Variants in HLTF observed in about 807,000 individuals in gnomAD.
HLTF encodes the protein helicase like transcription factor.
A neutral mutation model predicts 129.4 loss-of-function variants in HLTF; 127 were observed. That is an observed-to-expected ratio of 0.98 (90% CI 0.85 to 1.14). The LOEUF (loss-of-function observed/expected upper bound fraction) is 1.14, where lower values mean the gene tolerates loss of function less well. Ranked by LOEUF, HLTF falls within the 50% of genes most tolerant of loss-of-function variation. HLTF has a pLI of 0.00. For missense variants in HLTF, 1,139 were observed against 1,187.1 expected, an observed-to-expected ratio of 0.96 and a Z score of 0.60; for synonymous variants, 332 against 388.8, an observed-to-expected ratio of 0.85 and a Z score of 1.72.
Position 149,064,836 on chromosome 3 carries a change from G to C in HLTF, c.1021C>G (p.Leu341Val). 6.3e-7 allele frequency: 1 copy of C among 1,597,908 alleles called. No homozygotes were observed. Among genetic ancestry groups the C allele is most frequent in the Non-Finnish European group, 8.6e-7 (1 of 1,165,994 alleles). The change falls in exon 9 of 25, where the codon CTT (leucine) becomes GTT (valine). Residue 341 changes from leucine (L) to valine (V), a missense_variant. Coordinates refer to ENST00000310053, the MANE Select transcript of HLTF (RefSeq NM_003071.4). ...EYNVNDDSMK[L>V]GGNNTSEKAD... ...TTTTCACTGGTATTGTTTCCTCCAA[G>C]TTTCATAGAGTCATCGTTAACATTA...
intron 2 of HLTF, among the ~76,000 whole-genome samples, chr3:149,082,472 AAAAAG>A (rs1341030698): frequency 6.6e-6 from 1 of 152,234 alleles, no homozygotes; most frequent in Non-Finnish European, 1.5e-5. Context: ...AAAAACAAAA[AAAAAG>A]AAAAGAAATG....
At chr3:149,057,511 C>T (rs1423658837) in intron 13 of HLTF, among the ~76,000 whole-genome samples, 2 of 152,200 alleles carry the variant, frequency 1.3e-5, no homozygotes, top group Non-Finnish European at 2.9e-5. Flanking sequence ...CATATATACT[C>T]GTCCTGCAGG....
At chr3:149,065,144 T>C (rs979417765) in intron 8 of HLTF, among the ~76,000 whole-genome samples, 1 of 152,128 alleles carries the variant, frequency 6.6e-6, no homozygotes, top group African/African-American at 2.4e-5. Context: ...CAATTATAAA[T>C]GACACATTAT....
intron 2 of HLTF, 123 bp downstream of exon 2, chr3:149,084,559 C>G: frequency 1.4e-6 from 1 of 728,722 alleles, no homozygotes; most frequent in Non-Finnish European, 2.2e-6. Context: ...TTTTTGCGTA[C>G]AAATATTTAA....
chr3:149,064,824 T>C lies in HLTF; in HGVS notation c.1033A>G (p.Asn345Asp), dbSNP rs745426954. The C allele has an allele frequency of 6.6e-5, 105 of 1,602,532 alleles. No homozygotes were observed. The Middle Eastern group carries it at 4.8e-3, about 73-fold the overall frequency. Residue 345 changes from asparagine (N) to aspartate (D), a missense_variant, in exon 9 of 25, where the codon AAT becomes GAT. Physicochemically the swap from Asn to Asp is conservative, Grantham distance 23. Transcript: ENST00000310053. ...NDDSMKLGGNNTSEKADGLSK... is the reference protein window; with the variant it reads ...NDDSMKLGGNDTSEKADGLSK... ...AGTCCATCTGCCTTTTCACTGGTAT[T>C]GTTTCCTCCAAGTTTCATAGAGTCA... is the stretch of plus-strand genomic sequence containing the variant.
At chr3:149,066,196 G>A (rs1044088177) in intron 8 of HLTF, among the ~76,000 whole-genome samples, 2 of 151,862 alleles carry the variant, frequency 1.3e-5, no homozygotes, top group East Asian at 1.9e-4. Flanking sequence ...ACAGGTATGC[G>A]CCACCACACC....
chr3:149,085,488 C>CA (rs1720285422), intron 1 of HLTF, among the ~76,000 whole-genome samples: 1 of 151,854 alleles, frequency 6.6e-6, no homozygotes, highest in African/African-American at 2.4e-5. Context: ...GACTCCATGT[C>CA]AAAAAAATAA....
chr3:149,039,434 G>A, intron 22 of HLTF, 147 bp downstream of exon 22: 1 of 590,222 alleles, frequency 1.7e-6, no homozygotes, highest in Non-Finnish European at 2.8e-6. Flanking sequence ...TGTGCTGCCA[G>A]GAAGTATTCT....
chr3:149,074,666 C>T lies in HLTF; in HGVS notation c.396-318G>A, dbSNP rs376394865. Among the ~76,000 whole-genome samples, 57 of 152,098 alleles carry T rather than the reference C, an allele frequency of 3.7e-4. 1 individual carries two copies. The highest frequency in any genetic ancestry group is 3.4e-3 in the Middle Eastern group (1 of 294). ...AAATCAAAGGGTAGAGTTTGGCTAA[C>T]GGAACCACTGAGGGTAGTAACTCAT... On this transcript the variant is annotated intron_variant, in intron 3 of 24. Transcript: ENST00000310053.
intron 2 of HLTF, among the ~76,000 whole-genome samples, chr3:149,078,466 C>T (rs983153028): frequency 3.3e-5 from 5 of 152,098 alleles, no homozygotes; most frequent in African/African-American, 1.2e-4. Context: ...GGGAGGACTG[C>T]TTGAATGCAG....
chr3:149,073,456 G>A, intron 4 of HLTF, 134 bp from the exon 5 acceptor site: 5 of 615,122 alleles, frequency 8.1e-6, no homozygotes, highest in Non-Finnish European at 1.4e-5. Context: ...CACTTTGGGA[G>A]GCCAAGGCAG....
At chr3:149,044,066 G>A (rs146749999) in intron 18 of HLTF, among the ~76,000 whole-genome samples, 14 of 152,210 alleles carry the variant, frequency 9.2e-5, no homozygotes, top group Non-Finnish European at 1.8e-4. Context: ...AAGTGCCAGA[G>A]TTAATCTGTC....
At position 149,041,663 on chromosome 3, in the gene HLTF, C is replaced by A; in HGVS notation, c.2203G>T (p.Asp735Tyr). Residue 735 changes from aspartate (D) to tyrosine (Y), a missense_variant, in exon 20 of 25, where the codon GAT (aspartate) becomes TAT (tyrosine). Transcript: ENST00000310053. ...TTCTTTCTCAGTTCTTCAGGTGTAT[C>A]ATTTCCTAGAGAAAAGGCTGAAAAA... ...AVSSNGPSGN[D>Y]TPEELRKKLI... is the part of the protein sequence containing the mutation. 1 of 1,605,584 alleles carries A rather than the reference C, an allele frequency of 6.2e-7. No individual in the cohort carries two copies. The highest frequency in any genetic ancestry group is 8.5e-7 in the Non-Finnish European group (1 of 1,173,714).
intron 14 of HLTF, among the ~76,000 whole-genome samples, chr3:149,052,325 T>G (rs1444510663): frequency 6.6e-6 from 1 of 151,886 alleles, no homozygotes; most frequent in Non-Finnish European, 1.5e-5. Context: ...ACAGATTTAA[T>G]AGGAACCAGA....
At chr3:149,070,546 T>C (rs1359174685) in intron 7 of HLTF, among the ~76,000 whole-genome samples, 3 of 152,216 alleles carry the variant, frequency 2.0e-5, no homozygotes, top group Non-Finnish European at 2.9e-5. Context: ...CTCTTTGAAA[T>C]CAGTAATTTT....
At chr3:149,067,912 G>C (rs575290930) in intron 8 of HLTF, among the ~76,000 whole-genome samples, 1 of 152,224 alleles carries the variant, frequency 6.6e-6, no homozygotes, top group Non-Finnish European at 1.5e-5. Context: ...GGGAGGCTGA[G>C]GCAGGTAGAT....
Position 149,075,564 on chromosome 3 carries a change from T to C in HLTF, c.395+317A>G, listed in dbSNP as rs767868886. Among the ~76,000 whole-genome samples, 7 of 150,462 alleles carry C rather than the reference T, an allele frequency of 4.7e-5. No individual in the cohort carries two copies. In the East Asian group the frequency reaches 5.8e-4, roughly 12 times the overall value. ...GTCTCAAAATAAATAAATAAATAAATAAACAAATAAACACTTCCAAATTCC... is the reference window on the plus strand; with the variant it reads ...GTCTCAAAATAAATAAATAAATAAACAAACAAATAAACACTTCCAAATTCC... On this transcript the variant is annotated intron_variant, in intron 3 of 24. Transcript: ENST00000310053.
chr3:149,035,455 G>A (rs545997210), intron 23 of HLTF, among the ~76,000 whole-genome samples: 16 of 151,768 alleles, frequency 1.1e-4, no homozygotes, highest in Middle Eastern at 3.4e-3. Context: ...TATAAAAAAA[G>A]GGTTTCTCCT....
At chr3:149,039,341 A>C (rs1343196901) in intron 22 of HLTF, 112 bp from the exon 23 acceptor site, 15 of 844,092 alleles carry the variant, frequency 1.8e-5, no homozygotes, top group South Asian at 5.2e-5. Context: ...TTATTTTAAC[A>C]AATGTTTATT....
Sources: allele counts gnomAD v4.1 joint callset (sites outside exome capture counted in the v4.1 genomes callset), GRCh38; gene constraint gnomAD v4.1.1; transcripts MANE v1.5; gene names NCBI Gene and HGNC (gene_info 2026-07-23, HGNC 2026-07-21).